Variants in CFAP57 observed in about 807,000 individuals in gnomAD.
CFAP57 encodes the protein cilia- and flagella-associated protein 57.
In CFAP57, 116 loss-of-function variants were observed where a neutral mutation model predicts 146.8. That is an observed-to-expected ratio of 0.79 (90% CI 0.68 to 0.92). CFAP57 has a LOEUF of 0.92. Among genes scored for constraint, CFAP57 ranks in the 40% least tolerant of loss-of-function variants. The probability of loss-of-function intolerance (pLI) is 0.00; values close to 1 mark genes in which losing one functional copy is unlikely to be tolerated. For synonymous variants in CFAP57, 518 were observed against 552.8 expected (o/e 0.94, Z 0.88); for missense variants, 1,377 against 1,527.2 (o/e 0.90, Z 1.64).
chr1:43,182,253 A>G (rs1379698668), intron 3 of CFAP57, among the ~76,000 whole-genome samples: 2 of 152,238 alleles, frequency 1.3e-5, no homozygotes, highest in Non-Finnish European at 2.9e-5. Flanking sequence ...ATGTGATGTA[A>G]CATGGTAGGT....
intron 12 of CFAP57, 114 bp downstream of exon 12, chr1:43,215,530 A>AC: frequency 1.6e-6 from 2 of 1,262,482 alleles, no homozygotes; most frequent in South Asian, 1.6e-5. Flanking sequence ...CCCAGTGCAG[A>AC]CCCCCACGGC....
intron 12 of CFAP57, 104 bp downstream of exon 12, chr1:43,215,520 C>A: frequency 1.5e-6 from 2 of 1,359,150 alleles, no homozygotes; most frequent in Non-Finnish European, 2.0e-6. Flanking sequence ...ACACCCTATG[C>A]CCAGTGCAGA....
intron 2 of CFAP57, among the ~76,000 whole-genome samples, chr1:43,174,614 A>G (rs1557718326): frequency 6.6e-6 from 1 of 152,162 alleles, no homozygotes; most frequent in East Asian, 1.9e-4. Context: ...TCAAGAGATC[A>G]AGACCATCCT....
rs764693105 is a variant in CFAP57 at position 43,172,870 on chromosome 1, G to T, written c.117G>T (p.Val39=). 1 of 1,614,136 alleles carries T rather than the reference G, an allele frequency of 6.2e-7. No individual in the cohort carries two copies. Among genetic ancestry groups the T allele is most frequent in the South Asian group, 1.1e-5 (1 of 91,088 alleles). ...TATTTCCTTCAGGAAATCACTGTGT[G>T]AAGTACAATGTGGATCAGAAATGGC... The part of the protein sequence containing the change: ...IIIFPSGNHC[V]KYNVDQKWQK... The change falls in exon 2 of 23, where the codon GTG becomes GTT. Residue 39 remains valine (V), a synonymous_variant. Transcript: ENST00000372492.
rs1399439118 is a variant in CFAP57, at chr1:43,181,424, C to A, written c.158-110C>A. 2.3e-6 allele frequency: 3 copies of A among 1,323,164 alleles called. No homozygotes were observed. In the East Asian group the frequency reaches 7.3e-5, roughly 32 times the overall value. 82.0% of individuals were successfully genotyped at this position (1,323,164 alleles called of 1,614,324 possible). A position where few individuals can be genotyped will look rare whatever the true frequency, so the allele number is the denominator to read the frequency against. On this transcript the variant is annotated intron_variant, in intron 2 of 22. Transcript: ENST00000372492. ...CAGCTATGCCAAGGCCGCCTTTCTT[C>A]TTTGTGTCCACCACTGTCCACTCCA...
At chr1:43,252,985 G>T (rs1355590664) in intron 22 of CFAP57, among the ~76,000 whole-genome samples, 1 of 152,154 alleles carries the variant, frequency 6.6e-6, no homozygotes, top group Non-Finnish European at 1.5e-5. Flanking sequence ...ATTGAAGTTT[G>T]AGAAAGAAAG....
chr1:43,201,651 C>T lies in CFAP57; in HGVS notation c.1542+2148C>T, dbSNP rs537071710. Among the ~76,000 whole-genome samples the T allele has an allele frequency of 1.3e-4, 20 of 152,082 alleles. No homozygotes were observed. Among genetic ancestry groups the T allele is most frequent in the African/African-American group, 4.3e-4 (18 of 41,508 alleles). On this transcript the variant is annotated intron_variant, in intron 9 of 22. Transcript: ENST00000372492. This position sits in a 1 kb window ranked among gnomAD's most constrained non-coding sequence, Gnocchi z 4.4. ...TTTTTTTGAGACAGAGTTTCGCTTTCGTTGCCCAGGCTGGAGTGCAATGGC... is the reference window on the plus strand; with the variant it reads ...TTTTTTTGAGACAGAGTTTCGCTTTTGTTGCCCAGGCTGGAGTGCAATGGC...
intron 22 of CFAP57, among the ~76,000 whole-genome samples, chr1:43,244,165 G>A (rs369069383): frequency 2.9e-4 from 44 of 152,266 alleles, no homozygotes; most frequent in East Asian, 1.9e-4. Flanking sequence ...CTGGACAATC[G>A]ATAAAAACCA....
At chr1:43,210,772 T>A (rs1644569147) in intron 11 of CFAP57, 3 of 152,388 alleles carry the variant, frequency 2.0e-5, no homozygotes, top group Admixed American at 2.0e-4. Context: ...ATTACAAATG[T>A]ATTTAATAAC....
chr1:43,238,707 T>C lies in CFAP57; in HGVS notation c.3405+4069T>C, dbSNP rs1263518921. Among the ~76,000 whole-genome samples the C allele has an allele frequency of 6.6e-6, 1 of 152,122 alleles. No homozygotes were observed. The highest frequency in any genetic ancestry group is 6.5e-5 in the Admixed American group (1 of 15,276). On this transcript the variant is annotated intron_variant, in intron 21 of 22. Transcript: ENST00000372492. This position sits in a 1 kb window ranked among gnomAD's most constrained non-coding sequence, Gnocchi z 4.3. ...TTGCAGGTAGCCCAACTTATACTTA[T>C]TGGGAGTGTCCTTGGCCATCATACT... is the stretch of plus-strand genomic sequence containing the variant.
chr1:43,198,776 G>A (rs1643979798), intron 8 of CFAP57, 130 bp downstream of exon 8: 13 of 911,612 alleles, frequency 1.4e-5, no homozygotes, highest in Non-Finnish European at 5.2e-6. Context: ...CTTAAAAAAA[G>A]GGGGAAGGAG....
At chr1:43,188,390 A>T (rs932079299) in intron 6 of CFAP57, among the ~76,000 whole-genome samples, 3 of 152,118 alleles carry the variant, frequency 2.0e-5, no homozygotes, top group Non-Finnish European at 4.4e-5. Context: ...ACCGTTTTAT[A>T]TTCCCATAAG....
chr1:43,230,219 G>A (rs1188891042), intron 18 of CFAP57, among the ~76,000 whole-genome samples: 2 of 152,168 alleles, frequency 1.3e-5, no homozygotes, highest in African/African-American at 4.8e-5. Context: ...AGAGAATGAG[G>A]CACTCAGACA....
intron 11 of CFAP57, among the ~76,000 whole-genome samples, chr1:43,214,457 C>T (rs1415475436): frequency 6.6e-6 from 1 of 152,144 alleles, no homozygotes. Context: ...AGTTTATTCC[C>T]TTTTATTTCT....
chr1:43,215,942 C>A (rs1557788130), intron 12 of CFAP57, among the ~76,000 whole-genome samples: 1 of 152,146 alleles, frequency 6.6e-6, no homozygotes, highest in Non-Finnish European at 1.5e-5. Context: ...CAGATTTAAT[C>A]CAGAGCCCCC....
chr1:43,216,726 G>C (rs613560), intron 12 of CFAP57, among the ~76,000 whole-genome samples: 3 of 151,856 alleles, frequency 2.0e-5, no homozygotes, highest in Non-Finnish European at 4.4e-5. Flanking sequence ...CTCTTCCTCC[G>C]CCTGTCCCTT....
At chr1:43,247,498 C>T (rs1570362628) in intron 22 of CFAP57, among the ~76,000 whole-genome samples, 1 of 152,172 alleles carries the variant, frequency 6.6e-6, no homozygotes, top group Admixed American at 6.5e-5. Flanking sequence ...GCAATACAGG[C>T]ATGTATGTGA....
intron 9 of CFAP57, 37 bp from the exon 10 acceptor site, chr1:43,206,683 G>A: frequency 2.5e-6 from 4 of 1,602,628 alleles, no homozygotes; most frequent in Non-Finnish European, 2.6e-6. Context: ...GTAAGTGTGT[G>A]TACACTCTTC....
chr1:43,205,839 C>T (rs1011361352), intron 9 of CFAP57, among the ~76,000 whole-genome samples: 1 of 152,130 alleles, frequency 6.6e-6, no homozygotes, highest in African/African-American at 2.4e-5. Flanking sequence ...CCAGAGTGCA[C>T]AGCAGTGAAG....
Sources: gnomAD v4.1 joint callset for allele counts (sites outside exome capture counted in the v4.1 genomes callset) on GRCh38, gnomAD v4.1.1 for gene constraint, Gnocchi (gnomAD v3.1) non-coding constraint, MANE v1.5 for transcripts, NCBI Gene and HGNC (gene_info 2026-07-23, HGNC 2026-07-21) for gene names.